Variants in SLC39A14 observed in about 807,000 individuals in gnomAD.
SLC39A14 encodes metal cation symporter ZIP14.
A neutral mutation model predicts 45.5 loss-of-function variants in SLC39A14; 19 were observed. That is an observed-to-expected ratio of 0.42 (90% CI 0.29 to 0.61). SLC39A14 has a LOEUF of 0.61. Ranked by LOEUF, SLC39A14 falls within the 20% of genes least tolerant of loss-of-function variation. The probability of loss-of-function intolerance (pLI) is 0.22; values close to 1 mark genes in which losing one functional copy is unlikely to be tolerated. For missense variants in SLC39A14, 447 were observed against 616.5 expected, an observed-to-expected ratio of 0.73 and a Z score of 2.91; for synonymous variants, 264 against 251.3, an observed-to-expected ratio of 1.05 and a Z score of -0.48.
chr8:22,402,263 T>C (rs1438119534), intron 1 of SLC39A14, among the ~76,000 whole-genome samples: 3 of 152,002 alleles, frequency 2.0e-5, no homozygotes, highest in Admixed American at 6.6e-5. Flanking sequence ...CAGGTGCCTG[T>C]AGTCCCAGCT....
intron 1 of SLC39A14, 53 bp from the exon 2 acceptor site, chr8:22,404,643 G>C: frequency 1.7e-5 from 27 of 1,558,172 alleles, no homozygotes; most frequent in Non-Finnish European, 2.3e-5. Context: ...GCCTGGCGCA[G>C]TTGCCGGCAC....
chr8:22,373,878 G>A (rs535006396), intron 1 of SLC39A14, among the ~76,000 whole-genome samples: 1 of 151,734 alleles, frequency 6.6e-6, no homozygotes, highest in South Asian at 2.1e-4. Flanking sequence ...TTCTGCCTCA[G>A]CCTCTCAAGT....
At chr8:22,387,179 A>G (rs1323382674) in intron 1 of SLC39A14, among the ~76,000 whole-genome samples, 1 of 151,834 alleles carries the variant, frequency 6.6e-6, no homozygotes, top group Non-Finnish European at 1.5e-5. Flanking sequence ...TCTTAAAAAA[A>G]AAAAAAAGGC....
At chr8:22,427,855 A>T (rs960117371) in intron 8 of SLC39A14, among the ~76,000 whole-genome samples, 1 of 152,234 alleles carries the variant, frequency 6.6e-6, no homozygotes, top group African/African-American at 2.4e-5. Flanking sequence ...TCAGTGAACT[A>T]GTCTAACTAA....
chr8:22,391,129 G>C (rs1834049447), intron 1 of SLC39A14, among the ~76,000 whole-genome samples: 1 of 152,142 alleles, frequency 6.6e-6, no homozygotes, highest in African/African-American at 2.4e-5. Flanking sequence ...CTCTTCGAAG[G>C]AGCCTCTAGG....
At chr8:22,370,396 T>A (rs532150042) in intron 1 of SLC39A14, among the ~76,000 whole-genome samples, 27 of 152,306 alleles carry the variant, frequency 1.8e-4, no homozygotes, top group Admixed American at 4.6e-4. Context: ...CTCTCCCCAC[T>A]ATGTCAGGAT....
intron 1 of SLC39A14, among the ~76,000 whole-genome samples, chr8:22,384,383 C>T (rs572708604): frequency 1.3e-5 from 2 of 151,920 alleles, no homozygotes; most frequent in Non-Finnish European, 2.9e-5. Flanking sequence ...GGCTGCCTGC[C>T]CGCCCGGGCC....
At chr8:22,376,771 G>C (rs780205959) in intron 1 of SLC39A14, among the ~76,000 whole-genome samples, 3 of 151,992 alleles carry the variant, frequency 2.0e-5, no homozygotes, top group Non-Finnish European at 4.4e-5. Flanking sequence ...GCAGCTACTC[G>C]GGAGGCTGAG....
chr8:22,404,328 G>A (rs11998276), intron 1 of SLC39A14, among the ~76,000 whole-genome samples: 47,089 of 151,148 alleles, frequency 0.31, 10,116 homozygotes, highest in African/African-American at 0.63. Context: ...TGGGAGGCCT[G>A]AGGCAGGAGA....
downstream of SLC39A14, among the ~76,000 whole-genome samples, chr8:22,427,294 C>T (rs914425964): frequency 1.3e-5 from 2 of 151,992 alleles, no homozygotes; most frequent in African/African-American, 4.8e-5. Flanking sequence ...AGTGAAACTC[C>T]ATCTCGAAAA....
intron 1 of SLC39A14, chr8:22,390,569 G>C (rs879679547): frequency 1.3e-5 from 2 of 154,782 alleles, no homozygotes; most frequent in African/African-American, 2.4e-5. Context: ...CCAAAGTGCT[G>C]GGATTACAGG....
Position 22,367,780 on chromosome 8 carries a change from G to GGGGC in SLC39A14, c.-16+373_-16+376dup, listed in dbSNP as rs1359931036. 6.6e-6 allele frequency: 1 copy of GGGGC among 152,568 alleles called. No homozygotes were observed. The highest frequency in any genetic ancestry group is 2.4e-5 in the African/African-American group (1 of 41,468). 9.5% of individuals were successfully genotyped at this position (152,568 alleles called of 1,614,324 possible). A position where few individuals can be genotyped will look rare whatever the true frequency, so the allele number is the denominator to read the frequency against. On this transcript the variant is annotated intron_variant, in intron 1 of 8. Coordinates refer to ENST00000381237, the MANE Select transcript of SLC39A14 (RefSeq NM_001128431.4). This position sits in a 1 kb window ranked among gnomAD's most constrained non-coding sequence, Gnocchi z 4.2. ...GGGGCGGCTCTTGGGGCGGCTCTATGGGGCTCTGGGGTCTGGACTTTGCTT... is the reference window on the plus strand; with the variant it reads ...GGGGCGGCTCTTGGGGCGGCTCTATGGGGCGGGCTCTGGGGTCTGGACTTTGCTT...
At chr8:22,371,747 C>CT (rs1257184691) in intron 1 of SLC39A14, among the ~76,000 whole-genome samples, 7,167 of 113,200 alleles carry the variant, frequency 0.063, 544 homozygotes, top group African/African-American at 0.19. Context: ...TATCTTTTAT[C>CT]TTTTTTTTTT....
At chr8:22,369,484 G>C (rs897850885) in intron 1 of SLC39A14, among the ~76,000 whole-genome samples, 2 of 152,258 alleles carry the variant, frequency 1.3e-5, no homozygotes, top group Admixed American at 6.5e-5. Context: ...GGGCTCTGCA[G>C]TGGCCACCAT....
At chr8:22,424,454 T>C (rs567934367), downstream of SLC39A14, among the ~76,000 whole-genome samples, 2 of 152,308 alleles carry the variant, frequency 1.3e-5, no homozygotes, top group South Asian at 2.1e-4. Context: ...AAGAATAATA[T>C]ATGAAGTGGC....
rs566031117 is a variant in SLC39A14 at position 22,395,707 on chromosome 8, A to G, written c.-15-8989A>G. Among the ~76,000 whole-genome samples the G allele has an allele frequency of 4.6e-5, 7 of 152,238 alleles. No homozygotes were observed. In the East Asian group the frequency reaches 5.8e-4, roughly 13 times the overall value. On this transcript the variant is annotated intron_variant, in intron 1 of 8. Coordinates refer to ENST00000381237, the MANE Select transcript of SLC39A14 (RefSeq NM_001128431.4). ...CATCTTTGAGCTCTCGTCTCGTGGA[A>G]CTGATGTTTTAATGAGGTTATTCCT... is the stretch of plus-strand genomic sequence containing the variant.
downstream of SLC39A14, among the ~76,000 whole-genome samples, chr8:22,425,028 CAAAAAAA>C (rs71544902): frequency 1.3e-5 from 1 of 74,344 alleles, no homozygotes. Flanking sequence ...GACTCCGTCT[CAAAAAAA>C]AAAAAAAAAA....
intron 1 of SLC39A14, among the ~76,000 whole-genome samples, chr8:22,389,523 G>A (rs1833957811): frequency 6.6e-6 from 1 of 152,088 alleles, no homozygotes; most frequent in African/African-American, 2.4e-5. Flanking sequence ...GGTTGCCACT[G>A]AGGCTTGGCT....
intron 8 of SLC39A14, among the ~76,000 whole-genome samples, chr8:22,428,441 CTTT>C (rs59846887): frequency 3.4e-5 from 4 of 116,418 alleles, no homozygotes; most frequent in Admixed American, 9.8e-5. Flanking sequence ...TTCATATGTT[CTTT>C]TTTTTTTTTT....
Sources: allele counts gnomAD v4.1 joint callset (sites outside exome capture counted in the v4.1 genomes callset), GRCh38; gene constraint gnomAD v4.1.1; non-coding constraint Gnocchi (gnomAD v3.1); transcripts MANE v1.5; gene names NCBI Gene and HGNC (gene_info 2026-07-23, HGNC 2026-07-21).